Variants in SLC9A6 observed in about 807,000 individuals in gnomAD.
The protein encoded by SLC9A6 is solute carrier family 9 member A6, also known as sodium/hydrogen exchanger 6.
Under a neutral mutation model 45.3 loss-of-function variants are expected in SLC9A6, and 6 were observed. That is an observed-to-expected ratio of 0.13 (90% CI 0.07 to 0.26). The LOEUF (loss-of-function observed/expected upper bound fraction) is 0.26. Ranked by LOEUF, SLC9A6 falls within the 10% of genes least tolerant of loss-of-function variation. The pLI, the probability that SLC9A6 is intolerant of heterozygous loss-of-function variation, is 1.00. For missense variants in SLC9A6, 278 were observed against 503.7 expected, an observed-to-expected ratio of 0.55 and a Z score of 4.29; for synonymous variants, 191 against 187.7, an observed-to-expected ratio of 1.02 and a Z score of -0.14.
At chrX:135,998,284 CCTCCTTTCTCCT>C in intron 4 of SLC9A6, 99 bp downstream of exon 4, 1 of 588,121 alleles carries the variant, frequency 1.7e-6, no homozygotes, top group Non-Finnish European at 2.9e-6. Flanking sequence ...TCCAGATTAC[CCTCCTTTCTCCT>C]CTCCTTATCC....
At chrX:136,035,887 G>A (rs2071404221) in intron 16 of SLC9A6, among the ~76,000 whole-genome samples, 1 of 108,546 alleles carries the variant, frequency 9.2e-6, no homozygotes, top group African/African-American at 3.4e-5. Context: ...CTGGGTAGCT[G>A]GGACTCCTGG....
intron 2 of SLC9A6, among the ~76,000 whole-genome samples, chrX:135,991,889 G>A (rs6635208): frequency 0.073 from 8,024 of 109,746 alleles, 321 homozygotes; most frequent in African/African-American, 0.16. Flanking sequence ...AATGTTGGCT[G>A]TTAATAGATC....
intron 8 of SLC9A6, among the ~76,000 whole-genome samples, chrX:136,012,081 C>G (rs782402411): frequency 2.5e-4 from 28 of 112,411 alleles, no homozygotes; most frequent in Non-Finnish European, 3.0e-4. Context: ...CAGTGCGAGA[C>G]TCCGTCTCAA....
chrX:136,010,223 TA>T (rs2070893292), intron 7 of SLC9A6: 2 of 339,869 alleles, frequency 5.9e-6, no homozygotes, highest in Non-Finnish European at 5.2e-6. Flanking sequence ...TACAATGTTC[TA>T]CCCCCCCCCC....
chrX:136,042,495 A>G (rs1195392415), intron 17 of SLC9A6, among the ~76,000 whole-genome samples: 5 of 111,879 alleles, frequency 4.5e-5, no homozygotes, highest in African/African-American at 1.6e-4. Context: ...AATTTTTTAT[A>G]TTATCTTTGT....
intron 7 of SLC9A6, 168 bp from the exon 8 acceptor site, chrX:136,010,274 C>A: frequency 3.0e-6 from 1 of 338,385 alleles, no homozygotes; most frequent in Non-Finnish European, 5.1e-6. Context: ...TTCTTGCTAG[C>A]CAGATACATT....
chrX:136,030,387 T>C (rs1241339324), intron 15 of SLC9A6: 5 of 423,204 alleles, frequency 1.2e-5, no homozygotes, highest in Non-Finnish European at 2.1e-5. Context: ...AGCTTTCATG[T>C]CTCTGGGCCA....
At chrX:136,012,715 T>C (rs1324477475) in intron 8 of SLC9A6, among the ~76,000 whole-genome samples, 1 of 112,391 alleles carries the variant, frequency 8.9e-6, no homozygotes. Context: ...GTGATACCCG[T>C]GAAACAATTG....
chrX:136,020,922 G>A (rs782008750), intron 11 of SLC9A6, among the ~76,000 whole-genome samples: 183 of 105,480 alleles, frequency 1.7e-3, no homozygotes, highest in African/African-American at 6.1e-3. Flanking sequence ...GGCTCATCTT[G>A]TATCTGTTCT....
intron 2 of SLC9A6, 36 bp downstream of exon 2, chrX:135,985,863 G>A (rs782517324): frequency 1.7e-6 from 2 of 1,203,239 alleles, no homozygotes; most frequent in East Asian, 5.9e-5. Flanking sequence ...CCTTGGCGCT[G>A]CCCCTTTCTC....
At chrX:136,035,602 G>T (rs972484615) in intron 16 of SLC9A6, among the ~76,000 whole-genome samples, 2 of 111,545 alleles carry the variant, frequency 1.8e-5, no homozygotes, top group Non-Finnish European at 3.8e-5. Flanking sequence ...ATAAATATTT[G>T]GGTTGGTTCT....
At position 136,013,057 on chromosome X, in the gene SLC9A6, A is replaced by G; in HGVS notation, c.991+3A>G. The stretch of plus-strand genomic sequence containing the variant: ...GGCTGAAGCATGGGGCTTCACAGGT[A>G]GGTGACTTGCTCCCTTTGATTGTCA... On this transcript the variant is annotated splice_donor_region_variant and intron_variant, in intron 9 of 17. Coordinates refer to ENST00000630721, the MANE Select transcript of SLC9A6 (RefSeq NM_001379110.1). 2.6e-6 allele frequency: 3 copies of G among 1,161,507 alleles called. No individual in the cohort carries two copies. Among genetic ancestry groups the G allele is most frequent in the Non-Finnish European group, 1.2e-6 (1 of 849,587 alleles).
chrX:136,038,136 A>G (rs1208186610), intron 16 of SLC9A6, among the ~76,000 whole-genome samples: 1 of 111,231 alleles, frequency 9.0e-6, no homozygotes, highest in Non-Finnish European at 1.9e-5. Context: ...ATTTTTCAAT[A>G]TTTCACCATT....
chrX:136,012,771 A>G (rs781785119), intron 8 of SLC9A6, among the ~76,000 whole-genome samples, 178 bp from the exon 9 acceptor site: 56 of 111,836 alleles, frequency 5.0e-4, no homozygotes, highest in African/African-American at 1.6e-3. Context: ...AAGGCAGCTG[A>G]CTCCTCAGTA....
chrX:135,976,037 C>T (rs1488452713), intron 1 of SLC9A6, among the ~76,000 whole-genome samples: 4 of 106,543 alleles, frequency 3.8e-5, no homozygotes, highest in Non-Finnish European at 5.8e-5. Flanking sequence ...CATATTTCCT[C>T]AACTTTACTT....
At chrX:136,037,962 A>G (rs2071440045) in intron 16 of SLC9A6, among the ~76,000 whole-genome samples, 1 of 112,315 alleles carries the variant, frequency 8.9e-6, no homozygotes, top group South Asian at 3.7e-4. Context: ...TTCTATATAC[A>G]TAATTAAATG....
At chrX:136,024,566 G>T in intron 13 of SLC9A6, 83 bp downstream of exon 13, 1 of 926,475 alleles carries the variant, frequency 1.1e-6, no homozygotes, top group Non-Finnish European at 1.6e-6. Flanking sequence ...TTTAATCTTT[G>T]GAGAATCTGT....
At chrX:135,989,153 T>G (rs1380657181) in intron 2 of SLC9A6, among the ~76,000 whole-genome samples, 1 of 111,514 alleles carries the variant, frequency 9.0e-6, no homozygotes, top group African/African-American at 3.3e-5. Context: ...AAAAATAAGC[T>G]TTTCCTTTAT....
At chrX:136,005,681 A>AC (rs2148162459) in intron 7 of SLC9A6, among the ~76,000 whole-genome samples, 1 of 108,080 alleles carries the variant, frequency 9.3e-6, no homozygotes, top group Admixed American at 9.9e-5. Flanking sequence ...ACTGTCTCAA[A>AC]AAAAAAAAAA....
Sources: gnomAD v4.1 joint callset for allele counts (sites outside exome capture counted in the v4.1 genomes callset) on GRCh38, gnomAD v4.1.1 for gene constraint, MANE v1.5 for transcripts, NCBI Gene and HGNC (gene_info 2026-07-23, HGNC 2026-07-21) for gene names.